The following ARHGEF7 variants were observed in gnomAD, a reference collection of about 807,000 sequenced individuals.
ARHGEF7 encodes Rho guanine nucleotide exchange factor 7, also known as PAK-interacting exchange factor beta.
A neutral mutation model predicts 109.8 loss-of-function variants in ARHGEF7; 33 were observed. The observed-to-expected ratio is 0.30, with a 90% CI of 0.23 to 0.40. ARHGEF7 has a LOEUF of 0.40. Among genes scored for constraint, ARHGEF7 ranks in the 10% least tolerant of loss-of-function variants. The pLI is 1.00. For synonymous variants in ARHGEF7, 458 were observed against 424.6 expected (o/e 1.08, Z -0.97); for missense variants, 938 against 1,098.5 (o/e 0.85, Z 2.07).
chr13:111,155,647 C>A (rs1281117115), intron 2 of ARHGEF7, among the ~76,000 whole-genome samples: 1 of 152,122 alleles, frequency 6.6e-6, no homozygotes, highest in East Asian at 1.9e-4. Context: ...TTTTTCTTCA[C>A]CTTTGTGAGG....
At chr13:111,241,305 G>A (rs758553434) in intron 6 of ARHGEF7, 1 of 1,536,212 alleles carries the variant, frequency 6.5e-7, no homozygotes, top group Non-Finnish European at 8.7e-7. Flanking sequence ...AGCAGCCAGA[G>A]CGTGCAGAAG....
intron 1 of ARHGEF7, among the ~76,000 whole-genome samples, chr13:111,124,602 T>G (rs1297577848): frequency 6.6e-6 from 1 of 152,228 alleles, no homozygotes; most frequent in Non-Finnish European, 1.5e-5. Flanking sequence ...GGCCTGCATC[T>G]GACTCTCAGA....
At chr13:111,141,632 A>ATTT (rs34263315) in intron 1 of ARHGEF7, among the ~76,000 whole-genome samples, 2 of 146,254 alleles carry the variant, frequency 1.4e-5, no homozygotes, top group Non-Finnish European at 3.0e-5. Context: ...GTTCCTCCAT[A>ATTT]TTTTTTTTTT....
Position 111,115,468 on chromosome 13 carries a change from G to GGCCGCCGCTCCGA in ARHGEF7, c.-57_-45dup. ...CGGCGGCGGCGGGGGCCGCGGGCCG[G>GGCCGCCGCTCCGA]GCCGCCGCTCCGAGGTGAAGGCGCG... is the stretch of plus-strand genomic sequence containing the variant. On this transcript the variant is annotated 5_prime_UTR_variant, in exon 1 of 22. The change abolishes the stop of an existing upstream ORF in the 5' untranslated region. Coordinates refer to ENST00000646102, the MANE Select transcript of ARHGEF7 (RefSeq NM_001354046.2). The GGCCGCCGCTCCGA allele has an allele frequency of 9.7e-7, 1 of 1,027,326 alleles. No homozygotes were observed. The highest frequency in any genetic ancestry group is 1.7e-5 in the African/African-American group (1 of 57,572). The allele number at this position is 1,027,326 out of a possible 1,614,324, so 63.6% of individuals were successfully genotyped here. A position where few individuals can be genotyped will look rare whatever the true frequency, so the allele number is the denominator to read the frequency against.
chr13:111,210,687 C>T (rs1423118477), intron 4 of ARHGEF7, among the ~76,000 whole-genome samples: 1 of 152,212 alleles, frequency 6.6e-6, no homozygotes, highest in East Asian at 1.9e-4. Flanking sequence ...CCAGGGCTGC[C>T]ACTCTGCAGT....
intron 1 of ARHGEF7, among the ~76,000 whole-genome samples, chr13:111,117,413 T>C (rs949903188): frequency 2.0e-5 from 3 of 152,226 alleles, no homozygotes; most frequent in African/African-American, 7.2e-5. Context: ...ACTACAGTCA[T>C]CTGGAAATTT....
chr13:111,194,212 G>C (rs2080235361), intron 2 of ARHGEF7, among the ~76,000 whole-genome samples: 1 of 152,150 alleles, frequency 6.6e-6, no homozygotes, highest in Admixed American at 6.6e-5. Context: ...AGCTATTCCT[G>C]CTCTCTCTCT....
chr13:111,303,289 T>C lies in ARHGEF7; in HGVS notation c.*176T>C. 1.8e-6 allele frequency: 1 copy of C among 564,594 alleles called. No individual in the cohort carries two copies. 35.0% of individuals were successfully genotyped at this position (564,594 alleles called of 1,614,324 possible). A position where few individuals can be genotyped will look rare whatever the true frequency, so the allele number is the denominator to read the frequency against. ...CGAATGGAGACGATCAAACCATGAC[T>C]GATGAATCCAGACAGGAGGGATTGA... On this transcript the variant is annotated 3_prime_UTR_variant, in exon 22 of 22. Coordinates refer to ENST00000646102, the MANE Select transcript of ARHGEF7 (RefSeq NM_001354046.2).
chr13:111,115,594 C>G lies in ARHGEF7; in HGVS notation c.68C>G (p.Thr23Ser). Reference sequence around the variant, plus strand: ...GGGGTGCTGGAGTCGCCCAAAAAAACCATCTCGGACCCGGAGGGCTTTCTG... The same window carrying G: ...GGGGTGCTGGAGTCGCCCAAAAAAAGCATCTCGGACCCGGAGGGCTTTCTG... ...TLGVLESPKK[T>S]ISDPEGFLQA... Residue 23 changes from threonine to serine, a missense_variant, in exon 1 of 22, where the codon ACC becomes AGC. By Grantham distance (58) the Thr-to-Ser change is moderately conservative (BLOSUM62 1). Around this residue, in one of 4 missense-constraint regions of ARHGEF7, gnomAD observed 165 missense variants for 125.8 expected, o/e 1.31. Coordinates refer to ENST00000646102, the MANE Select transcript of ARHGEF7 (RefSeq NM_001354046.2). The G allele has an allele frequency of 7.0e-7, 1 of 1,421,354 alleles. No homozygotes were observed. The highest frequency in any genetic ancestry group is 2.2e-5 in the Admixed American group (1 of 46,138). 88.0% of individuals were successfully genotyped at this position (1,421,354 alleles called of 1,614,324 possible).
At chr13:111,140,620 G>C (rs1402722885) in intron 1 of ARHGEF7, among the ~76,000 whole-genome samples, 1 of 152,176 alleles carries the variant, frequency 6.6e-6, no homozygotes, top group East Asian at 1.9e-4. Context: ...AAGGAATAAG[G>C]GAGCGATTGT....
intron 1 of ARHGEF7, among the ~76,000 whole-genome samples, chr13:111,123,863 C>CA (rs1491146435): frequency 8.6e-3 from 34 of 3,948 alleles, no homozygotes; most frequent in East Asian, 0.042. Flanking sequence ...GTGGGCTGCG[C>CA]CCCCCCCCCC....
intron 1 of ARHGEF7, among the ~76,000 whole-genome samples, chr13:111,123,221 T>C (rs1029595640): frequency 1.3e-5 from 2 of 152,198 alleles, no homozygotes; most frequent in Admixed American, 1.3e-4. Flanking sequence ...TTCTGCACTC[T>C]CTCAGGCCCT....
chr13:111,131,511 T>C lies in ARHGEF7; in HGVS notation c.165+15820T>C, dbSNP rs895046281. On this transcript the variant is annotated intron_variant, in intron 1 of 21. Transcript: ENST00000646102. This position sits in a 1 kb window ranked among gnomAD's most constrained non-coding sequence, Gnocchi z 4.4. ...GGACTCGTAGTACAGAGATATGTACTGAAGCTGAAGGACTTGTGAGGTTTC... is the reference window on the plus strand; with the variant it reads ...GGACTCGTAGTACAGAGATATGTACCGAAGCTGAAGGACTTGTGAGGTTTC... 5.3e-5 allele frequency among the ~76,000 whole-genome samples: 8 copies of C among 152,184 alleles called. No individual in the cohort carries two copies. The highest frequency in any genetic ancestry group is 1.9e-4 in the African/African-American group (8 of 41,442).
In ARHGEF7 at chr13:111,176,019, C is replaced by A. The variant is rs192871064; in HGVS notation, c.252+22028C>A. 5.9e-5 allele frequency among the ~76,000 whole-genome samples: 9 copies of A among 152,234 alleles called. No homozygotes were observed. The East Asian group carries it at 1.7e-3, about 29-fold the overall frequency. ...ACGAGAAGAGCATGGAGGTAACTGC[C>A]CCATGATTCAATTACCTCCCACTGG... On this transcript the variant is annotated intron_variant, in intron 2 of 21. Coordinates refer to ENST00000646102, the MANE Select transcript of ARHGEF7 (RefSeq NM_001354046.2).
intron 8 of ARHGEF7, among the ~76,000 whole-genome samples, chr13:111,250,645 C>T (rs1159528164): frequency 1.3e-5 from 2 of 152,158 alleles, no homozygotes; most frequent in Non-Finnish European, 2.9e-5. Flanking sequence ...ACATTTGTCT[C>T]CCACGAGACT....
chr13:111,124,730 G>A (rs967231106), intron 1 of ARHGEF7, among the ~76,000 whole-genome samples: 5 of 152,222 alleles, frequency 3.3e-5, no homozygotes, highest in South Asian at 2.1e-4. Flanking sequence ...TCATAATGGT[G>A]GCCTGGGGAT....
At chr13:111,192,030 T>C (rs1002183598) in intron 2 of ARHGEF7, among the ~76,000 whole-genome samples, 5 of 152,186 alleles carry the variant, frequency 3.3e-5, no homozygotes, top group African/African-American at 1.2e-4. Context: ...TTATCTTTTT[T>C]AAGGAGGAAG....
At chr13:111,300,603 C>G in intron 19 of ARHGEF7, 145 bp from the exon 20 acceptor site, 1 of 517,592 alleles carries the variant, frequency 1.9e-6, no homozygotes. Flanking sequence ...AAAAGATGCC[C>G]TCCTCTAGCT....
intron 4 of ARHGEF7, among the ~76,000 whole-genome samples, chr13:111,217,134 A>G (rs2083245588): frequency 6.6e-6 from 1 of 152,234 alleles, no homozygotes; most frequent in South Asian, 2.1e-4. Context: ...ATGTCTTCTG[A>G]CCAGAATTTA....
Sources: gnomAD v4.1 joint callset for allele counts (sites outside exome capture counted in the v4.1 genomes callset) on GRCh38, gnomAD v4.1.1 for gene constraint, gnomAD v4.1.1 regional missense constraint, Gnocchi (gnomAD v3.1) non-coding constraint, MANE v1.5 for transcripts, NCBI Gene and HGNC (gene_info 2026-07-23, HGNC 2026-07-21) for gene names.